Variants in SOX6 observed in about 807,000 individuals in gnomAD.
SOX6 encodes the protein transcription factor SOX-6.
In SOX6, 11 loss-of-function variants were observed where a neutral mutation model predicts 97.8. That is an observed-to-expected ratio of 0.11 (90% CI 0.07 to 0.19). The LOEUF (loss-of-function observed/expected upper bound fraction) is 0.19. Ranked by LOEUF, SOX6 falls within the 10% of genes least tolerant of loss-of-function variation. The pLI is 1.00. For synonymous variants in SOX6, 360 were observed against 371.4 expected (o/e 0.97, Z 0.35); for missense variants, 810 against 1,039.5 (o/e 0.78, Z 3.04).
At chr11:16,358,322 G>T (rs933708509), upstream of SOX6, among the ~76,000 whole-genome samples, 1 of 152,068 alleles carries the variant, frequency 6.6e-6, no homozygotes, top group African/African-American at 2.4e-5. Context: ...ATTATAGAAT[G>T]CCAGGACAAA....
At chr11:16,335,441 G>A (rs1055407511) in intron 2 of SOX6, among the ~76,000 whole-genome samples, 2 of 152,110 alleles carry the variant, frequency 1.3e-5, no homozygotes, top group Non-Finnish European at 2.9e-5. Context: ...TAGGAGTTAT[G>A]ACTATGACTA....
At chr11:16,733,723 T>TAAAAA (rs34111311) in intron 2 of SOX6, among the ~76,000 whole-genome samples, 2 of 116,692 alleles carry the variant, frequency 1.7e-5, no homozygotes, top group African/African-American at 3.4e-5. Flanking sequence ...ACTTAAAGTA[T>TAAAAA]AAAAAAAAAA....
intron 4 of SOX6, among the ~76,000 whole-genome samples, chr11:16,559,522 T>G (rs1378185101): frequency 1.3e-5 from 2 of 151,198 alleles, no homozygotes; most frequent in Non-Finnish European, 2.9e-5. Flanking sequence ...GCCTCATTCA[T>G]TGCTCTTTGG....
chr11:16,111,026 C>T (rs559102849), intron 7 of SOX6, among the ~76,000 whole-genome samples: 1 of 152,262 alleles, frequency 6.6e-6, no homozygotes, highest in Admixed American at 6.5e-5. Context: ...AGGTCACTTA[C>T]AAAGAATGCA....
chr11:16,364,543 A>G (rs1371183358), intron 1 of SOX6, among the ~76,000 whole-genome samples: 1 of 152,138 alleles, frequency 6.6e-6, no homozygotes, highest in East Asian at 1.9e-4. Flanking sequence ...CATTGGGCAA[A>G]ATCACTTATC....
chr11:16,730,029 A>AATATATATATATATATAT (rs34591978), intron 2 of SOX6, among the ~76,000 whole-genome samples: 151 of 142,586 alleles, frequency 1.1e-3, no homozygotes, highest in African/African-American at 3.6e-3. Context: ...AACTATCCTA[A>AATATATATATATATATAT]ATATATATAT....
intron 9 of SOX6, among the ~76,000 whole-genome samples, chr11:16,087,632 CTG>C (rs1410578530): frequency 2.0e-5 from 3 of 151,844 alleles, no homozygotes; most frequent in African/African-American, 7.3e-5. Context: ...GAAAAAAAAA[CTG>C]AGGATAAACA....
chr11:16,445,701 G>T (rs1229428361), intron 1 of SOX6, among the ~76,000 whole-genome samples: 1 of 151,974 alleles, frequency 6.6e-6, no homozygotes, highest in East Asian at 1.9e-4. Context: ...TCCTGACCCT[G>T]AGTTCATTGA....
At chr11:16,376,942 A>T (rs1422956789) in intron 1 of SOX6, among the ~76,000 whole-genome samples, 1 of 151,962 alleles carries the variant, frequency 6.6e-6, no homozygotes, top group Admixed American at 6.6e-5. Flanking sequence ...GAAAAAGAAA[A>T]TAAAAAAAAG....
chr11:16,679,198 T>A (rs375813799), intron 3 of SOX6, among the ~76,000 whole-genome samples: 1 of 152,138 alleles, frequency 6.6e-6, no homozygotes, highest in East Asian at 1.9e-4. Context: ...CTGGGAGACA[T>A]CTCCCAGTAC....
chr11:16,235,140 A>G (rs1465451145), intron 3 of SOX6, among the ~76,000 whole-genome samples: 1 of 152,082 alleles, frequency 6.6e-6, no homozygotes, highest in Non-Finnish European at 1.5e-5. Flanking sequence ...TTCTTAAAAA[A>G]GAAATCTAAC....
chr11:16,199,436 A>C (rs1054638708), intron 4 of SOX6, among the ~76,000 whole-genome samples: 1 of 152,260 alleles, frequency 6.6e-6, no homozygotes, highest in Non-Finnish European at 1.5e-5. Flanking sequence ...CCAAGATCAC[A>C]CAGCTTGTTA....
At chr11:16,352,301 AG>A (rs1856970597) in intron 1 of SOX6, among the ~76,000 whole-genome samples, 1 of 128,750 alleles carries the variant, frequency 7.8e-6, no homozygotes, top group African/African-American at 2.7e-5. Flanking sequence ...GATGGATGGA[AG>A]GATGGATGGA....
At chr11:15,994,683 C>A (rs557358414) in intron 13 of SOX6, among the ~76,000 whole-genome samples, 41 of 152,194 alleles carry the variant, frequency 2.7e-4, no homozygotes, top group African/African-American at 9.9e-4. Flanking sequence ...AAAGTGACTA[C>A]CTCTTCAAGG....
chr11:16,603,271 G>T (rs1052695066), intron 4 of SOX6, among the ~76,000 whole-genome samples: 59 of 152,164 alleles, frequency 3.9e-4, no homozygotes, highest in African/African-American at 1.4e-3. Flanking sequence ...GCAGAAATCT[G>T]GTCTCTGCCA....
intron 7 of SOX6, chr11:16,110,309 A>G (rs1849197158): frequency 6.6e-6 from 1 of 152,044 alleles, no homozygotes. Context: ...AGAACAGTAA[A>G]CTTGGCTTAC....
At chr11:16,280,711 G>GT in intron 3 of SOX6, among the ~76,000 whole-genome samples, 1 of 152,190 alleles carries the variant, frequency 6.6e-6, no homozygotes, top group Admixed American at 6.6e-5. Context: ...GGCACCAGTA[G>GT]TTAAAGAGAA....
Position 16,409,745 on chromosome 11 carries a change from C to G in SOX6, c.-5+66570G>C, listed in dbSNP as rs568122897. Among the ~76,000 whole-genome samples the G allele has an allele frequency of 2.9e-4, 44 of 151,692 alleles. 1 individual carries two copies. In the South Asian group the frequency reaches 5.6e-3, roughly 19 times the overall value. On this transcript the variant is annotated intron_variant, in intron 1 of 15. Transcript: ENST00000396356. Reference sequence around the variant, plus strand: ...CCCAACAGATGCAATGGATAGAAGACAAAACCTACCAAAAACTATATAGTT... The same window carrying G: ...CCCAACAGATGCAATGGATAGAAGAGAAAACCTACCAAAAACTATATAGTT...
intron 6 of SOX6, among the ~76,000 whole-genome samples, chr11:16,158,865 G>GGTGTGT (rs10549567): frequency 1.9e-3 from 275 of 146,002 alleles, no homozygotes; most frequent in African/African-American, 5.6e-3. Flanking sequence ...TGAAGTTACA[G>GGTGTGT]GTGTGTGTGT....
Sources: allele counts gnomAD v4.1 joint callset (sites outside exome capture counted in the v4.1 genomes callset), GRCh38; gene constraint gnomAD v4.1.1; transcripts MANE v1.5; gene names NCBI Gene and HGNC (gene_info 2026-07-23, HGNC 2026-07-21).